The following STXBP5L variants were observed in gnomAD, a reference collection of about 807,000 sequenced individuals.
STXBP5L encodes syntaxin-binding protein 5-like.
A neutral mutation model predicts 144.5 loss-of-function variants in STXBP5L; 65 were observed. The observed-to-expected ratio is 0.45, with a 90% CI of 0.37 to 0.55. The LOEUF (loss-of-function observed/expected upper bound fraction) is 0.55, where lower values mean the gene tolerates loss of function less well. Among genes scored for constraint, STXBP5L ranks in the 20% least tolerant of loss-of-function variants. The pLI is 0.00. For synonymous variants in STXBP5L, 505 were observed against 469.6 expected (o/e 1.08, Z -0.97); for missense variants, 1,298 against 1,405.5 (o/e 0.92, Z 1.22).
intron 19 of STXBP5L, among the ~76,000 whole-genome samples, chr3:121,287,772 T>A (rs1451379327): frequency 6.6e-6 from 1 of 151,890 alleles, no homozygotes; most frequent in African/African-American, 2.4e-5. Context: ...GAGGTTGCAG[T>A]GAGCCGAGAT....
In STXBP5L at chr3:120,966,665, C is replaced by A. The variant is rs141308128; in HGVS notation, c.287+11628C>A. Among the ~76,000 whole-genome samples the A allele has an allele frequency of 2.5e-3, 380 of 152,250 alleles. 2 individuals are homozygous for A. The highest frequency in any genetic ancestry group is 8.6e-3 in the African/African-American group (357 of 41,554). On this transcript the variant is annotated intron_variant, in intron 3 of 26. Coordinates refer to ENST00000471454, the MANE Select transcript of STXBP5L (RefSeq NM_001308330.2). Reference sequence around the variant, plus strand: ...AGCAAATATTGCTGCCTGATCCTTCCTCTGGAAGCTTCATCCCAGAGTGGC... The same window carrying A: ...AGCAAATATTGCTGCCTGATCCTTCATCTGGAAGCTTCATCCCAGAGTGGC...
chr3:121,135,215 T>C (rs955919204), intron 7 of STXBP5L, among the ~76,000 whole-genome samples: 2 of 152,228 alleles, frequency 1.3e-5, no homozygotes, highest in East Asian at 3.8e-4. Context: ...TTTTGAGAAG[T>C]GTCTGTTCAT....
intron 12 of STXBP5L, 100 bp downstream of exon 12, chr3:121,233,788 T>TCTA (rs2049382780): frequency 1.1e-6 from 1 of 922,726 alleles, no homozygotes. Context: ...GTGTGAATAT[T>TCTA]GGTTTGCTAG....
chr3:121,351,356 T>C (rs1163880866), intron 20 of STXBP5L, among the ~76,000 whole-genome samples: 5 of 152,100 alleles, frequency 3.3e-5, no homozygotes, highest in African/African-American at 1.2e-4. Flanking sequence ...GTGTCAGGTG[T>C]CAGTCTGCCC....
At chr3:121,076,346 G>T (rs535139073) in intron 5 of STXBP5L, among the ~76,000 whole-genome samples, 10 of 152,320 alleles carry the variant, frequency 6.6e-5, no homozygotes, top group Non-Finnish European at 1.0e-4. Flanking sequence ...ATAAATTGGT[G>T]CATAGGGGGG....
At chr3:121,349,073 C>A (rs1354797546) in intron 20 of STXBP5L, among the ~76,000 whole-genome samples, 1 of 151,908 alleles carries the variant, frequency 6.6e-6, no homozygotes, top group Non-Finnish European at 1.5e-5. Flanking sequence ...TAGATATTTC[C>A]TGCTTTCTCT....
At chr3:121,384,377 T>A (rs2046380464) in intron 22 of STXBP5L, among the ~76,000 whole-genome samples, 1 of 152,002 alleles carries the variant, frequency 6.6e-6, no homozygotes, top group Non-Finnish European at 1.5e-5. Context: ...TAAGAGTAAT[T>A]CAGAGGCTGG....
intron 5 of STXBP5L, among the ~76,000 whole-genome samples, chr3:121,082,616 T>A (rs1560104853): frequency 6.6e-6 from 1 of 152,204 alleles, no homozygotes; most frequent in Non-Finnish European, 1.5e-5. Context: ...CCATGTTTTT[T>A]AAATGAAGTT....
At chr3:121,332,339 A>C (rs910324613) in intron 20 of STXBP5L, among the ~76,000 whole-genome samples, 2 of 151,100 alleles carry the variant, frequency 1.3e-5, no homozygotes, top group African/African-American at 4.8e-5. Context: ...GAAAACTAAC[A>C]TGAAAAAAAA....
chr3:121,415,965 C>T lies in STXBP5L; in HGVS notation c.3223C>T (p.Leu1075Phe). 2 of 1,611,308 alleles carry T rather than the reference C, an allele frequency of 1.2e-6. No individual in the cohort carries two copies. Among genetic ancestry groups the T allele is most frequent in the Non-Finnish European group, 8.5e-7 (1 of 1,178,362 alleles). The change falls in exon 25 of 27, where the codon CTC (leucine) becomes TTC (phenylalanine). Residue 1075 changes from leucine to phenylalanine, a missense_variant. Transcript: ENST00000471454. ...GSGQTFDREE[L>F]FGEASAGKAS... ...CGGACAAACATTTGACAGAGAAGAG[C>T]TCTGTGAGTAAATTCCTGATTATAG...
At chr3:121,026,742 A>G (rs571547202) in intron 3 of STXBP5L, among the ~76,000 whole-genome samples, 1 of 152,224 alleles carries the variant, frequency 6.6e-6, no homozygotes, top group African/African-American at 2.4e-5. Flanking sequence ...TAAAAGAGGA[A>G]GAAAAAGTAA....
intron 19 of STXBP5L, among the ~76,000 whole-genome samples, chr3:121,304,350 A>G (rs1317358364): frequency 2.0e-5 from 3 of 152,172 alleles, no homozygotes; most frequent in Non-Finnish European, 4.4e-5. Context: ...AAGATTATAA[A>G]AAACTAAAGC....
chr3:121,040,520 CAGAT>C (rs749605263), intron 3 of STXBP5L, among the ~76,000 whole-genome samples: 8 of 152,068 alleles, frequency 5.3e-5, no homozygotes, highest in Non-Finnish European at 1.0e-4. Flanking sequence ...TCCTCAGTCT[CAGAT>C]AGTTTCTTCA....
chr3:121,290,248 A>G (rs1331545327), intron 19 of STXBP5L, among the ~76,000 whole-genome samples: 1 of 152,098 alleles, frequency 6.6e-6, no homozygotes, highest in African/African-American at 2.4e-5. Context: ...GAAATACAAA[A>G]GGTCATTCAA....
intron 9 of STXBP5L, among the ~76,000 whole-genome samples, chr3:121,181,715 G>T (rs754379879): frequency 6.6e-6 from 1 of 152,122 alleles, no homozygotes; most frequent in Non-Finnish European, 1.5e-5. Flanking sequence ...TCCAGCCTGG[G>T]CGATAGAATG....
At chr3:121,183,488 T>A (rs113554494) in intron 9 of STXBP5L, among the ~76,000 whole-genome samples, 1 of 151,824 alleles carries the variant, frequency 6.6e-6, no homozygotes, top group Non-Finnish European at 1.5e-5. Context: ...GTAGCACTGA[T>A]ATACACCAAC....
intron 2 of STXBP5L, among the ~76,000 whole-genome samples, chr3:120,952,642 A>G (rs1711344895): frequency 6.6e-6 from 1 of 152,086 alleles, no homozygotes; most frequent in Non-Finnish European, 1.5e-5. Context: ...ACTTTGAAGC[A>G]GTGACTTCAA....
intron 3 of STXBP5L, among the ~76,000 whole-genome samples, chr3:121,032,197 T>C (rs1445575092): frequency 6.7e-6 from 1 of 148,614 alleles, no homozygotes; most frequent in Non-Finnish European, 1.5e-5. Flanking sequence ...TGTAGGAAAA[T>C]ATATAAGCAG....
intron 9 of STXBP5L, among the ~76,000 whole-genome samples, chr3:121,165,656 A>C (rs1450000060): frequency 1.3e-5 from 2 of 152,126 alleles, no homozygotes; most frequent in Non-Finnish European, 2.9e-5. Context: ...AAGGAAAAAA[A>C]GGGAAACAAG....
Sources: gnomAD v4.1 joint callset for allele counts (sites outside exome capture counted in the v4.1 genomes callset) on GRCh38, gnomAD v4.1.1 for gene constraint, MANE v1.5 for transcripts, NCBI Gene and HGNC (gene_info 2026-07-23, HGNC 2026-07-21) for gene names.